PM20D2: variants seen among roughly 807,000 people sequenced by gnomAD.
PM20D2 encodes peptidase M20 domain containing 2, also known as xaa-Arg dipeptidase.
Under a neutral mutation model 42.9 loss-of-function variants are expected in PM20D2, and 33 were observed. That is an observed-to-expected ratio of 0.77 (90% CI 0.58 to 1.03). The LOEUF (loss-of-function observed/expected upper bound fraction) is 1.03, where lower values mean the gene tolerates loss of function less well. Among genes scored for constraint, PM20D2 ranks in the 50% least tolerant of loss-of-function variants. The pLI is 0.00. For missense variants in PM20D2, 548 were observed against 557.0 expected (o/e 0.98, Z 0.16); for synonymous variants, 250 against 228.2 (o/e 1.10, Z -0.86).
At chr6:89,135,068 G>C in the PM20D2 span, among the ~76,000 whole-genome samples, 4 of 151,208 alleles carry the variant, frequency 2.6e-5, no homozygotes, top group African/African-American at 9.9e-5. Flanking sequence ...GCTGGTAGAT[G>C]GGTGCACTGG....
rs1770741361 is a variant in PM20D2 at position 89,149,213 on chromosome 6, T to C, written c.466-52T>C. On this transcript the variant is annotated intron_variant, in intron 1 of 6. Transcript: ENST00000275072. ...CATATGCAGGTGAACCTGTTTGATA[T>C]ATTCCTATGAGGATTTTGTTGTTTT... 3.2e-6 allele frequency: 5 copies of C among 1,582,804 alleles called. No individual in the cohort carries two copies. In the South Asian group the frequency reaches 5.7e-5, roughly 18 times the overall value.
chr6:89,114,433 AAAAC>A, the PM20D2 span, among the ~76,000 whole-genome samples: 50 of 152,302 alleles, frequency 3.3e-4, no homozygotes, highest in East Asian at 4.1e-3. Context: ...GTCTCAAAAT[AAAAC>A]AAACAAACAA....
the PM20D2 span, chr6:89,105,564 A>G: frequency 1.4e-6 from 2 of 1,420,590 alleles, no homozygotes; most frequent in Non-Finnish European, 1.9e-6. Context: ...TGAACATGAG[A>G]TATCAAGTAA....
intron 2 of PM20D2, among the ~76,000 whole-genome samples, chr6:89,150,075 G>A (rs1770775318): frequency 6.6e-6 from 1 of 152,218 alleles, no homozygotes; most frequent in Non-Finnish European, 1.5e-5. Flanking sequence ...CAAGGAGCCA[G>A]TGCTCAGCTG....
chr6:89,164,810 G>C lies in PM20D2; in HGVS notation c.*2547G>C, dbSNP rs367914203. ...TTCTTCTCTTTTACATAAATTGTTT[G>C]TGAAAAGTGTGCTCAACTTTTTTAC... On this transcript the variant is annotated 3_prime_UTR_variant, in exon 7 of 7. Transcript: ENST00000275072. 6.6e-6 allele frequency: 1 copy of C among 151,082 alleles called. No homozygotes were observed. Among genetic ancestry groups the C allele is most frequent in the African/African-American group, 2.4e-5 (1 of 41,012 alleles). 9.4% of individuals were successfully genotyped at this position (151,082 alleles called of 1,614,324 possible).
At chr6:89,117,868 G>A in the PM20D2 span, 2 of 1,563,012 alleles carry the variant, frequency 1.3e-6, no homozygotes, top group East Asian at 2.6e-5. Flanking sequence ...GGTGTTGGGG[G>A]GCCTCGTGTA....
At chr6:89,131,536 T>C in the PM20D2 span, among the ~76,000 whole-genome samples, 1 of 151,676 alleles carries the variant, frequency 6.6e-6, no homozygotes, top group Non-Finnish European at 1.5e-5. Context: ...TTTTTTTAAT[T>C]AAAAAATAAT....
the PM20D2 span, among the ~76,000 whole-genome samples, chr6:89,094,518 C>T: frequency 6.6e-6 from 1 of 152,172 alleles, no homozygotes; most frequent in Non-Finnish European, 1.5e-5. Context: ...AGCCACTGCA[C>T]CCAGCCTAGA....
At chr6:89,115,501 C>T in the PM20D2 span, among the ~76,000 whole-genome samples, 1 of 151,942 alleles carries the variant, frequency 6.6e-6, no homozygotes, top group South Asian at 2.1e-4. Context: ...AGGTTGGTCT[C>T]GAACCCCTCA....
Position 89,161,864 on chromosome 6 carries a change from A to C in PM20D2, c.1130A>C (p.His377Pro). 6.2e-7 allele frequency: 1 copy of C among 1,612,824 alleles called. No individual in the cohort carries two copies. Among genetic ancestry groups the C allele is most frequent in the African/African-American group, 1.3e-5 (1 of 75,028 alleles). Residue 377 changes from histidine (H) to proline (P), a missense_variant, in exon 6 of 7, where the codon CAT (histidine) becomes CCT (proline). His to Pro is a moderately conservative substitution (Grantham distance 77). Transcript: ENST00000275072. ...YFHIGSNALN[H>P]TEQYTEAAGS... ...CACATTGGATCTAATGCCTTGAATC[A>C]TACTGAACAGTACACTGAAGCTGCT...
intron 5 of PM20D2, among the ~76,000 whole-genome samples, chr6:89,159,005 T>C (rs1771144265): frequency 6.6e-6 from 1 of 152,024 alleles, no homozygotes; most frequent in South Asian, 2.1e-4. Context: ...GTGGTGAAAA[T>C]GGGGTGTCGG....
chr6:89,095,152 A>C, the PM20D2 span, among the ~76,000 whole-genome samples: 673 of 152,302 alleles, frequency 4.4e-3, 4 homozygotes, highest in African/African-American at 0.016. Flanking sequence ...ACATATATCT[A>C]TCTATACAAG....
At chr6:89,099,641 T>C in the PM20D2 span, among the ~76,000 whole-genome samples, 3 of 151,154 alleles carry the variant, frequency 2.0e-5, no homozygotes, top group African/African-American at 7.3e-5. Flanking sequence ...GTTTGAGCAA[T>C]TCTTCTCTCT....
chr6:89,161,232 T>C (rs920487093), intron 5 of PM20D2, among the ~76,000 whole-genome samples: 6 of 152,154 alleles, frequency 3.9e-5, no homozygotes, highest in African/African-American at 1.2e-4. Context: ...CAAGAGAAGA[T>C]ACCAGGCTGG....
chr6:89,117,613 G>A, the PM20D2 span, among the ~76,000 whole-genome samples: 2 of 152,142 alleles, frequency 1.3e-5, no homozygotes, highest in African/African-American at 4.8e-5. Context: ...CGCCGGGGCT[G>A]AAAGCTGGCC....
At chr6:89,117,400 C>G in the PM20D2 span, among the ~76,000 whole-genome samples, 1 of 152,190 alleles carries the variant, frequency 6.6e-6, no homozygotes, top group Non-Finnish European at 1.5e-5. Flanking sequence ...TCCTCTCCAT[C>G]TAGGAGGGTT....
At chr6:89,146,710 C>T in intron 1 of PM20D2, 101 bp downstream of exon 1, 1 of 992,274 alleles carries the variant, frequency 1.0e-6, no homozygotes, top group Non-Finnish European at 1.4e-6. Context: ...TCGGTGCCCT[C>T]CCGCCCGGGG....
chr6:89,157,248 T>A (rs1217725265), intron 4 of PM20D2, among the ~76,000 whole-genome samples: 1 of 152,172 alleles, frequency 6.6e-6, no homozygotes, highest in Non-Finnish European at 1.5e-5. Context: ...ATATTTTAAA[T>A]AATCTTTTAG....
At chr6:89,152,093 C>CA (rs201115863) in intron 2 of PM20D2, among the ~76,000 whole-genome samples, 156 of 135,668 alleles carry the variant, frequency 1.1e-3, no homozygotes, top group Admixed American at 3.7e-3. Flanking sequence ...AGATGAGTAC[C>CA]AAAAAAAAAA....
Sources: gnomAD v4.1 joint callset for allele counts (sites outside exome capture counted in the v4.1 genomes callset) on GRCh38, gnomAD v4.1.1 for gene constraint, MANE v1.5 for transcripts, NCBI Gene and HGNC (gene_info 2026-07-23, HGNC 2026-07-21) for gene names.